The following PPP1R12A variants were observed in gnomAD, a reference collection of about 807,000 sequenced individuals.
The protein encoded by PPP1R12A is protein phosphatase 1 regulatory subunit 12A.
PPP1R12A carries 19 observed loss-of-function variants against 139.6 expected under a neutral mutation model. That is an observed-to-expected ratio of 0.14 (90% CI 0.09 to 0.20). PPP1R12A has a LOEUF of 0.20. Ranked by LOEUF, PPP1R12A falls within the 10% of genes least tolerant of loss-of-function variation. PPP1R12A has a pLI of 1.00. For synonymous variants in PPP1R12A, 427 were observed against 420.6 expected, an observed-to-expected ratio of 1.02 and a Z score of -0.19; for missense variants, 925 against 1,211.5, an observed-to-expected ratio of 0.76 and a Z score of 3.51.
chr12:79,924,937 CTTTT>C (rs1464970267), intron 1 of PPP1R12A, among the ~76,000 whole-genome samples: 1 of 152,028 alleles, frequency 6.6e-6, no homozygotes, highest in Non-Finnish European at 1.5e-5. Flanking sequence ...TAAGAATAAG[CTTTT>C]TAGAAAATAT....
chr12:79,784,402 C>T (rs1312356022), intron 22 of PPP1R12A, among the ~76,000 whole-genome samples: 2 of 152,218 alleles, frequency 1.3e-5, no homozygotes, highest in East Asian at 1.9e-4. Flanking sequence ...AGGCAACTTT[C>T]TGTCCAGTGA....
At chr12:79,814,815 CAA>C (rs149384466) in intron 9 of PPP1R12A, among the ~76,000 whole-genome samples, 20 of 69,734 alleles carry the variant, frequency 2.9e-4, no homozygotes, top group African/African-American at 1.1e-3. Flanking sequence ...AACTCTGTCT[CAA>C]AAAAAAAAAA....
chr12:79,865,376 A>G (rs1232335209), intron 2 of PPP1R12A, among the ~76,000 whole-genome samples: 2 of 152,254 alleles, frequency 1.3e-5, no homozygotes, highest in South Asian at 2.1e-4. Flanking sequence ...TGAATGGGCA[A>G]AAACTGGAAG....
intron 1 of PPP1R12A, among the ~76,000 whole-genome samples, chr12:79,899,233 AATATATAT>A (rs58319454): frequency 1.1e-3 from 154 of 141,870 alleles, no homozygotes; most frequent in East Asian, 6.9e-3. Flanking sequence ...AGATCTTAAA[AATATATAT>A]ATATATATAT....
In PPP1R12A at chr12:79,805,707, C is replaced by T; in HGVS notation, c.1885G>A (p.Ala629Thr). Reference sequence around the variant, plus strand: ...GTTGGAGCAACAGGAATGGTCACTGCCGTAGGAACACTGTCCTTTTCTTTC... The same window carrying T: ...GTTGGAGCAACAGGAATGGTCACTGTCGTAGGAACACTGTCCTTTTCTTTC... ...TEKEKDSVPTAVTIPVAPTVV... is the reference protein window; with the variant it reads ...TEKEKDSVPTTVTIPVAPTVV... The change falls in exon 14 of 25, where the codon GCA becomes ACA. Residue 629 changes from alanine to threonine, a missense_variant. Ala to Thr is a moderately conservative substitution (Grantham distance 58). Coordinates refer to ENST00000450142, the MANE Select transcript of PPP1R12A (RefSeq NM_002480.3). The T allele has an allele frequency of 3.1e-6, 5 of 1,613,426 alleles. No homozygotes were observed. Among genetic ancestry groups the T allele is most frequent in the East Asian group, 2.2e-5 (1 of 44,832 alleles).
chr12:79,845,219 TTCAATG>T (rs1879237600), intron 3 of PPP1R12A, 77 bp downstream of exon 3: 1 of 1,046,780 alleles, frequency 9.6e-7, no homozygotes, highest in Middle Eastern at 2.0e-4. Context: ...ATGATTGCCC[TTCAATG>T]TCAACAAATA....
chr12:79,931,394 T>C (rs910635294), intron 1 of PPP1R12A, among the ~76,000 whole-genome samples: 4 of 151,948 alleles, frequency 2.6e-5, no homozygotes, highest in Non-Finnish European at 5.9e-5. Context: ...GAAATGAGGC[T>C]TGGAGCTTTG....
chr12:79,841,885 C>T lies in PPP1R12A; in HGVS notation c.487+3417G>A, dbSNP rs543883291. Among the ~76,000 whole-genome samples, 3 of 152,264 alleles carry T rather than the reference C, an allele frequency of 2.0e-5. No homozygotes were observed. The East Asian group carries it at 5.8e-4, about 29-fold the overall frequency. On this transcript the variant is annotated intron_variant, in intron 3 of 24. Transcript: ENST00000450142. ...GCTCTTCTGTGTGTTTATTCAGGCTCCAGTTTATAACCACTTTTCTATTGC... is the reference window on the plus strand; with the variant it reads ...GCTCTTCTGTGTGTTTATTCAGGCTTCAGTTTATAACCACTTTTCTATTGC...
intron 22 of PPP1R12A, chr12:79,782,660 G>A (rs1390521505): frequency 2.4e-6 from 1 of 411,954 alleles, no homozygotes; most frequent in African/African-American, 2.1e-5. Flanking sequence ...GAAAAAAACA[G>A]TGGCATCTTA....
chr12:79,831,749 T>C (rs758774216), intron 4 of PPP1R12A, among the ~76,000 whole-genome samples: 4 of 152,174 alleles, frequency 2.6e-5, no homozygotes, highest in Non-Finnish European at 4.4e-5. Flanking sequence ...AATATTTGCA[T>C]TGCAGAAGTA....
At chr12:79,864,105 C>A (rs189724686) in intron 2 of PPP1R12A, among the ~76,000 whole-genome samples, 1 of 152,264 alleles carries the variant, frequency 6.6e-6, no homozygotes, top group East Asian at 1.9e-4. Flanking sequence ...CACTTCTCAG[C>A]AAATGTAAAA....
At chr12:79,777,493 C>T in intron 24 of PPP1R12A, 1 of 985,242 alleles carries the variant, frequency 1.0e-6, no homozygotes, top group Non-Finnish European at 1.2e-6. Flanking sequence ...CTGGCTCTAC[C>T]AAGAAGAAAT....
At chr12:79,880,779 ATT>A (rs1014741879) in intron 1 of PPP1R12A, among the ~76,000 whole-genome samples, 1 of 149,892 alleles carries the variant, frequency 6.7e-6, no homozygotes, top group Non-Finnish European at 1.5e-5. Context: ...TGGATACTGC[ATT>A]TTTTTGTTTG....
At chr12:79,848,566 C>G (rs767665627) in intron 2 of PPP1R12A, among the ~76,000 whole-genome samples, 1 of 152,064 alleles carries the variant, frequency 6.6e-6, no homozygotes, top group South Asian at 2.1e-4. Flanking sequence ...GAGAAACTAA[C>G]AGAGTAAAGT....
At chr12:79,915,261 T>C (rs1013468617) in intron 1 of PPP1R12A, among the ~76,000 whole-genome samples, 1 of 152,100 alleles carries the variant, frequency 6.6e-6, no homozygotes, top group African/African-American at 2.4e-5. Context: ...TGTATGCATG[T>C]TTATGTATAA....
chr12:79,905,914 G>A (rs113413097), intron 1 of PPP1R12A, among the ~76,000 whole-genome samples: 1 of 152,164 alleles, frequency 6.6e-6, no homozygotes, highest in Admixed American at 6.5e-5. Context: ...CACATTCTTA[G>A]TGGTCAAACT....
intron 1 of PPP1R12A, among the ~76,000 whole-genome samples, chr12:79,912,745 T>C (rs1886682978): frequency 6.6e-6 from 1 of 151,674 alleles, no homozygotes; most frequent in African/African-American, 2.4e-5. Flanking sequence ...ATAATATAAT[T>C]ATCACCTAAT....
At chr12:79,923,190 C>T (rs1335325715) in intron 1 of PPP1R12A, among the ~76,000 whole-genome samples, 6 of 152,164 alleles carry the variant, frequency 3.9e-5, no homozygotes, top group Admixed American at 6.5e-5. Context: ...GGGACAATCG[C>T]TTGAACCCAG....
chr12:79,797,573 A>G (rs1312203329), intron 15 of PPP1R12A, among the ~76,000 whole-genome samples, 178 bp from the exon 16 acceptor site: 2 of 152,156 alleles, frequency 1.3e-5, no homozygotes, highest in Non-Finnish European at 2.9e-5. Context: ...ACCATTAGCA[A>G]GCACAACGAT....
Sources: allele counts gnomAD v4.1 joint callset (sites outside exome capture counted in the v4.1 genomes callset), GRCh38; gene constraint gnomAD v4.1.1; transcripts MANE v1.5; gene names NCBI Gene and HGNC (gene_info 2026-07-23, HGNC 2026-07-21).